Variants in QSER1 observed in about 807,000 individuals in gnomAD.
QSER1 encodes glutamine and serine-rich protein 1.
In QSER1, 49 loss-of-function variants were observed where a neutral mutation model predicts 158.5. That is an observed-to-expected ratio of 0.31 (90% CI 0.25 to 0.39). QSER1 has a LOEUF of 0.39. Ranked by LOEUF, QSER1 falls within the 10% of genes least tolerant of loss-of-function variation. QSER1 has a pLI of 1.00. For synonymous variants in QSER1, 650 were observed against 715.5 expected (o/e 0.91, Z 1.46); for missense variants, 1,754 against 2,010.3 (o/e 0.87, Z 2.44).
At chr11:32,921,914 C>T (rs1851904113) in intron 1 of QSER1, among the ~76,000 whole-genome samples, 1 of 152,108 alleles carries the variant, frequency 6.6e-6, no homozygotes, top group African/African-American at 2.4e-5. Context: ...AGACATTGGT[C>T]AGTGTAACAC....
At position 32,934,589 on chromosome 11, in the gene QSER1, G is replaced by T. The variant is rs1852110915; in HGVS notation, c.3331G>T (p.Ala1111Ser). Residue 1111 changes from alanine to serine, a missense_variant, in exon 4 of 13, where the codon GCT becomes TCT. This residue lies in a region of QSER1 where 1,707 missense variants were observed against 1,919.6 expected (regional missense o/e 0.89). Transcript: ENST00000650167. ...TTCTGGCCCATTCAAGAAACAGTCT[G>T]CTACCAATCTTGAATCTGAAGAAGA... Reference protein sequence around the residue: ...QSSGPFKKQSATNLESEEDSE... With the variant: ...QSSGPFKKQSSTNLESEEDSE... The T allele has an allele frequency of 2.5e-6, 4 of 1,613,622 alleles. No homozygotes were observed. Among genetic ancestry groups the T allele is most frequent in the Middle Eastern group, 1.7e-4 (1 of 6,056 alleles).
rs1307890365 is a variant in QSER1 at position 32,935,241 on chromosome 11, C to T, written c.3983C>T (p.Thr1328Ile). The T allele has an allele frequency of 1.9e-6, 3 of 1,613,854 alleles. No individual in the cohort carries two copies. The highest frequency in any genetic ancestry group is 2.5e-6 in the Non-Finnish European group (3 of 1,179,938). The change falls in exon 4 of 13, where the codon ACA becomes ATA. Residue 1328 changes from threonine to isoleucine, a missense_variant. By Grantham distance (89) the Thr-to-Ile change is moderately conservative (BLOSUM62 -1). This residue lies in a region of QSER1 where 1,707 missense variants were observed against 1,919.6 expected (regional missense o/e 0.89). Transcript: ENST00000650167. ...PPPLPKPSST[T>I]PTPLVSETGG... Reference sequence around the variant, plus strand: ...CCACTTCCCAAGCCTTCATCTACAACACCCACACCTTTAGTGTCTGAAACT... The same window carrying T: ...CCACTTCCCAAGCCTTCATCTACAATACCCACACCTTTAGTGTCTGAAACT...
chr11:32,932,229 C>T lies in QSER1; in HGVS notation c.971C>T (p.Pro324Leu), dbSNP rs1160499617. 6.2e-7 allele frequency: 1 copy of T among 1,614,056 alleles called. No homozygotes were observed. The highest frequency in any genetic ancestry group is 8.5e-7 in the Non-Finnish European group (1 of 1,180,032). Residue 324 changes from proline to leucine, a missense_variant, in exon 4 of 13, where the codon CCT (proline) becomes CTT (leucine). Around this residue, in one of 2 missense-constraint regions of QSER1, gnomAD observed 1,707 missense variants for 1,919.6 expected, o/e 0.89. Transcript: ENST00000650167. ...AGTGTTATTAAACACCATCAGCGGC[C>T]TTCAGGTACCCAGTCAATTCAGGCA... is the stretch of plus-strand genomic sequence containing the variant. Reference protein sequence around the residue: ...ECSVIKHHQRPSGTQSIQAQL... With the variant: ...ECSVIKHHQRLSGTQSIQAQL...
intron 9 of QSER1, among the ~76,000 whole-genome samples, chr11:32,967,734 C>T (rs1015981466): frequency 1.3e-5 from 2 of 152,170 alleles, no homozygotes; most frequent in South Asian, 2.1e-4. Context: ...GGCCCACAAA[C>T]TTGAAACTGG....
Position 32,932,485 on chromosome 11 carries a change from A to G in QSER1, c.1227A>G (p.Ile409Met), listed in dbSNP as rs761413876. The change falls in exon 4 of 13, where the codon ATA (isoleucine) becomes ATG (methionine). Residue 409 changes from isoleucine (I) to methionine (M), a missense_variant. Coordinates refer to ENST00000650167, the MANE Select transcript of QSER1 (RefSeq NM_001076786.3). ...GGTATCCTCCTTCTACTACAAAAAT[A>G]AAAAGCTGTTCTACAGAACAACCAC... ...SSGYPPSTTK[I>M]KSCSTEQPLT... 3.7e-6 allele frequency: 6 copies of G among 1,613,964 alleles called. No individual in the cohort carries two copies. The highest frequency in any genetic ancestry group is 5.1e-6 in the Non-Finnish European group (6 of 1,180,006).
chr11:32,957,139 T>C (rs1852530300), intron 7 of QSER1, among the ~76,000 whole-genome samples: 4 of 149,576 alleles, frequency 2.7e-5, no homozygotes, highest in Non-Finnish European at 3.0e-5. Flanking sequence ...TTTTTCTTTT[T>C]TTTTTTTTTT....
In QSER1 at chr11:32,934,857, T is replaced by C; in HGVS notation, c.3599T>C (p.Leu1200Pro). The C allele has an allele frequency of 6.2e-7, 1 of 1,613,868 alleles. No homozygotes were observed. The highest frequency in any genetic ancestry group is 8.5e-7 in the Non-Finnish European group (1 of 1,179,980). The change falls in exon 4 of 13, where the codon CTT becomes CCT. Residue 1200 changes from leucine (L) to proline (P), a missense_variant. Leu to Pro is a moderately conservative substitution (Grantham distance 98, BLOSUM62 -3). This residue lies in a region of QSER1 where 1,707 missense variants were observed against 1,919.6 expected (regional missense o/e 0.89). Transcript: ENST00000650167. ...AACCAAGATTTAATGCATTTTAACC[T>C]TCAAAAGAAAAGAGCTAAAGGAAAA... is the stretch of plus-strand genomic sequence containing the variant. ...EENQDLMHFN[L>P]QKKRAKGKGQ...
At chr11:32,895,396 A>G (rs984895258) in intron 1 of QSER1, among the ~76,000 whole-genome samples, 3 of 152,158 alleles carry the variant, frequency 2.0e-5, no homozygotes, top group African/African-American at 7.2e-5. Context: ...GTACAGAGTT[A>G]CACTTCTGAA....
chr11:32,968,025 A>G (rs960417645), intron 9 of QSER1, among the ~76,000 whole-genome samples: 3 of 152,188 alleles, frequency 2.0e-5, no homozygotes, highest in Non-Finnish European at 4.4e-5. Context: ...ATCATAAAAT[A>G]TGCTTCTCTT....
In QSER1 at chr11:32,976,518, G is replaced by A; in HGVS notation, c.*44G>A. 6.3e-7 allele frequency: 1 copy of A among 1,598,814 alleles called. No individual in the cohort carries two copies. Reference sequence around the variant, plus strand: ...ATCTTTTTATAGCACTAATGAAATGGCAGATATGGGGTGGTCAAAGATAAT... The same window carrying A: ...ATCTTTTTATAGCACTAATGAAATGACAGATATGGGGTGGTCAAAGATAAT... On this transcript the variant is annotated 3_prime_UTR_variant, in exon 13 of 13. Transcript: ENST00000650167.
At chr11:32,964,726 A>ATT (rs1852696175) in intron 8 of QSER1, among the ~76,000 whole-genome samples, 1 of 109,804 alleles carries the variant, frequency 9.1e-6, no homozygotes, top group Non-Finnish European at 2.0e-5. Flanking sequence ...CCATATATAT[A>ATT]TATATATATA....
intron 1 of QSER1, among the ~76,000 whole-genome samples, chr11:32,904,155 T>C (rs1325790151): frequency 1.3e-5 from 2 of 151,970 alleles, no homozygotes; most frequent in Non-Finnish European, 2.9e-5. Context: ...TCTAGGCCTT[T>C]CTGCAGTCAA....
chr11:32,920,806 C>T (rs1564930230), intron 1 of QSER1, among the ~76,000 whole-genome samples: 1 of 152,126 alleles, frequency 6.6e-6, no homozygotes, highest in Non-Finnish European at 1.5e-5. Context: ...CAGAACCACT[C>T]CACACCTGTT....
chr11:32,897,876 C>T (rs1447909254), intron 1 of QSER1, among the ~76,000 whole-genome samples: 1 of 152,188 alleles, frequency 6.6e-6, no homozygotes, highest in Non-Finnish European at 1.5e-5. Flanking sequence ...CACTTAGTTG[C>T]CCAGGCCAGA....
In QSER1 at chr11:32,959,305, C is replaced by T. The variant is rs556713433; in HGVS notation, c.4969+1219C>T. Among the ~76,000 whole-genome samples the T allele has an allele frequency of 1.3e-3, 202 of 152,246 alleles. 1 individual carries two copies. Among genetic ancestry groups the T allele is most frequent in the African/African-American group, 4.5e-3 (188 of 41,536 alleles). ...TAAAATATTTACCTATAGCCCTTTACAGAAAAAGGTTGCTGGCCCCTATTT... is the reference window on the plus strand; with the variant it reads ...TAAAATATTTACCTATAGCCCTTTATAGAAAAAGGTTGCTGGCCCCTATTT... On this transcript the variant is annotated intron_variant, in intron 8 of 12. Coordinates refer to ENST00000650167, the MANE Select transcript of QSER1 (RefSeq NM_001076786.3).
rs905209458 is a variant in QSER1, at chr11:32,947,052, C to T, written c.4178-6805C>T. Among the ~76,000 whole-genome samples the T allele has an allele frequency of 2.0e-5, 3 of 152,276 alleles. No individual in the cohort carries two copies. In the East Asian group the frequency reaches 5.8e-4, roughly 29 times the overall value. On this transcript the variant is annotated intron_variant, in intron 4 of 12. Coordinates refer to ENST00000650167, the MANE Select transcript of QSER1 (RefSeq NM_001076786.3). ...AAAGGGAACTCCCTGACCCCTTGCG[C>T]TTCCCGAGTGAGGCAATGCCTCACC...
chr11:32,916,365 G>A (rs1275890275), intron 1 of QSER1, among the ~76,000 whole-genome samples: 1 of 152,152 alleles, frequency 6.6e-6, no homozygotes, highest in Non-Finnish European at 1.5e-5. Flanking sequence ...CCCAGTAGCA[G>A]TCTTTTCCTA....
intron 7 of QSER1, among the ~76,000 whole-genome samples, chr11:32,957,630 G>T (rs1385125757): frequency 6.6e-6 from 1 of 152,106 alleles, no homozygotes; most frequent in Non-Finnish European, 1.5e-5. Context: ...TAGAAATAAG[G>T]ACTGAACTAA....
intron 1 of QSER1, among the ~76,000 whole-genome samples, chr11:32,900,917 T>G (rs1851616614): frequency 6.6e-6 from 1 of 152,196 alleles, no homozygotes; most frequent in Non-Finnish European, 1.5e-5. Context: ...ATTCTCACTC[T>G]CTGGAGTAAT....
Sources: gnomAD v4.1 joint callset for allele counts (sites outside exome capture counted in the v4.1 genomes callset) on GRCh38, gnomAD v4.1.1 for gene constraint, gnomAD v4.1.1 regional missense constraint, MANE v1.5 for transcripts, NCBI Gene and HGNC (gene_info 2026-07-23, HGNC 2026-07-21) for gene names.